VTI1A: variants seen among roughly 807,000 people sequenced by gnomAD.
VTI1A encodes the protein vesicle transport through interaction with t-SNAREs homolog 1A.
Under a neutral mutation model 34.9 loss-of-function variants are expected in VTI1A, and 22 were observed. That is an observed-to-expected ratio of 0.63 (90% CI 0.45 to 0.90). The LOEUF (loss-of-function observed/expected upper bound fraction) is 0.90. Among genes scored for constraint, VTI1A ranks in the 40% least tolerant of loss-of-function variants. The pLI, the probability that VTI1A is intolerant of heterozygous loss-of-function variation, is 0.00. For missense variants in VTI1A, 268 were observed against 275.6 expected (o/e 0.97, Z 0.20); for synonymous variants, 87 against 97.3 (o/e 0.89, Z 0.62).
intron 7 of VTI1A, among the ~76,000 whole-genome samples, chr10:112,748,792 ATT>A (rs532679915): frequency 2.1e-5 from 3 of 145,684 alleles, no homozygotes; most frequent in African/African-American, 5.0e-5. Flanking sequence ...TGCCCGGCTA[ATT>A]TTTTTTTTTT....
chr10:112,740,160 T>G lies in VTI1A; in HGVS notation c.560+71162T>G, dbSNP rs1312567881. Among the ~76,000 whole-genome samples the G allele has an allele frequency of 3.9e-5, 6 of 152,200 alleles. No homozygotes were observed. In the South Asian group the frequency reaches 1.2e-3, roughly 32 times the overall value. ...CCTCCGAGCCATCATCTTGTAGACT[T>G]GATCTGTGTTTCCTGCACTCTCTTC... On this transcript the variant is annotated intron_variant, in intron 7 of 7. Transcript: ENST00000393077.
chr10:112,536,882 T>C (rs907562309), intron 4 of VTI1A, among the ~76,000 whole-genome samples: 1 of 151,988 alleles, frequency 6.6e-6, no homozygotes, highest in African/African-American at 2.4e-5. Context: ...ATGGTAATGA[T>C]AACATACTAA....
chr10:112,851,733 G>A, the VTI1A span, among the ~76,000 whole-genome samples: 3 of 152,186 alleles, frequency 2.0e-5, no homozygotes, highest in Non-Finnish European at 1.5e-5. Context: ...TGAAGCTTCT[G>A]AACTAGGGAG....
At chr10:112,556,613 TTAAGTA>T (rs1168545919) in intron 5 of VTI1A, among the ~76,000 whole-genome samples, 1 of 152,028 alleles carries the variant, frequency 6.6e-6, no homozygotes, top group African/African-American at 2.4e-5. Flanking sequence ...TGAGGACTCT[TTAAGTA>T]TATTTCACCA....
At chr10:112,568,464 G>A (rs772709367) in intron 5 of VTI1A, among the ~76,000 whole-genome samples, 2 of 151,864 alleles carry the variant, frequency 1.3e-5, no homozygotes, top group Non-Finnish European at 2.9e-5. Context: ...CTGAGATCGC[G>A]CCACTGCACT....
chr10:112,466,162 G>T (rs1847887269), intron 3 of VTI1A, among the ~76,000 whole-genome samples: 1 of 152,136 alleles, frequency 6.6e-6, no homozygotes, highest in Non-Finnish European at 1.5e-5. Context: ...GGAAAGTCAA[G>T]AATGTTTAAG....
intron 5 of VTI1A, among the ~76,000 whole-genome samples, chr10:112,585,954 T>A (rs2134414903): frequency 6.6e-6 from 1 of 152,242 alleles, no homozygotes; most frequent in East Asian, 1.9e-4. Context: ...ATCAGACTGT[T>A]GGAGTCAAGT....
At chr10:112,487,202 C>A (rs1848669473) in intron 3 of VTI1A, among the ~76,000 whole-genome samples, 1 of 152,192 alleles carries the variant, frequency 6.6e-6, no homozygotes, top group Non-Finnish European at 1.5e-5. Context: ...TGCCTCACTG[C>A]AGCCTCCATC....
chr10:112,526,243 A>C (rs901570120), intron 3 of VTI1A, among the ~76,000 whole-genome samples: 2 of 152,186 alleles, frequency 1.3e-5, no homozygotes. Flanking sequence ...AATTGCTTGC[A>C]GACATGTCCC....
intron 5 of VTI1A, among the ~76,000 whole-genome samples, chr10:112,569,744 AAC>A (rs1299864784): frequency 6.6e-6 from 1 of 152,200 alleles, no homozygotes; most frequent in Admixed American, 6.5e-5. Flanking sequence ...TACTAAAAAA[AAC>A]ACAGCTTCCT....
chr10:112,581,236 A>G (rs1000723856), intron 5 of VTI1A, among the ~76,000 whole-genome samples: 10 of 152,188 alleles, frequency 6.6e-5, no homozygotes, highest in African/African-American at 2.4e-4. Flanking sequence ...TTCTCTCTGC[A>G]TAGCCCTTTC....
chr10:112,631,109 A>G (rs1246892677), intron 5 of VTI1A, among the ~76,000 whole-genome samples: 2 of 152,076 alleles, frequency 1.3e-5, no homozygotes, highest in African/African-American at 4.8e-5. Flanking sequence ...AGCCTGGGCA[A>G]CAAGAGCGAA....
chr10:112,699,555 G>C (rs143932653), intron 7 of VTI1A, among the ~76,000 whole-genome samples: 34 of 152,324 alleles, frequency 2.2e-4, no homozygotes, highest in Non-Finnish European at 1.5e-5. Context: ...GGGAGGAGCC[G>C]GGCATGGTGG....
chr10:112,527,138 G>A lies in VTI1A; in HGVS notation c.316G>A (p.Asp106Asn). The A allele has an allele frequency of 6.2e-7, 1 of 1,613,498 alleles. No homozygotes were observed. The highest frequency in any genetic ancestry group is 2.2e-5 in the East Asian group (1 of 44,848). The change falls in exon 4 of 8, where the codon GAT (aspartate) becomes AAT (asparagine). Residue 106 changes from aspartate (D) to asparagine (N), a missense_variant. Coordinates refer to ENST00000393077, the MANE Select transcript of VTI1A (RefSeq NM_145206.4). ...SDEVRNELLG[D>N]DGNSSENQRA... ...CGAAGTACGGAATGAGCTCCTGGGG[G>A]ATGATGGGAATTCCTCAGAGAACCA...
chr10:112,591,590 T>C (rs1844394946), intron 5 of VTI1A, among the ~76,000 whole-genome samples: 1 of 152,210 alleles, frequency 6.6e-6, no homozygotes, highest in Non-Finnish European at 1.5e-5. Flanking sequence ...TTAATTGTTT[T>C]ATACTGAAAT....
intron 7 of VTI1A, among the ~76,000 whole-genome samples, chr10:112,776,618 C>T (rs1410745463): frequency 6.6e-6 from 1 of 151,944 alleles, no homozygotes; most frequent in Non-Finnish European, 1.5e-5. Context: ...ACCATCTAAA[C>T]AGAAGAAGCC....
At chr10:112,559,125 A>C (rs1851632957) in intron 5 of VTI1A, among the ~76,000 whole-genome samples, 1 of 152,220 alleles carries the variant, frequency 6.6e-6, no homozygotes, top group Non-Finnish European at 1.5e-5. Context: ...TTAAAGGAAT[A>C]GGAAAAAAAT....
At chr10:112,665,216 C>T (rs1847599002) in intron 5 of VTI1A, among the ~76,000 whole-genome samples, 1 of 151,530 alleles carries the variant, frequency 6.6e-6, no homozygotes, top group South Asian at 2.1e-4. Flanking sequence ...ATCGCTAAAC[C>T]CAAGATAGTC....
At chr10:112,455,743 T>G (rs1847497171) in intron 1 of VTI1A, among the ~76,000 whole-genome samples, 1 of 149,774 alleles carries the variant, frequency 6.7e-6, no homozygotes, top group Non-Finnish European at 1.5e-5. Context: ...CTTAAAAACA[T>G]GAGGAACACT....
Sources: allele counts gnomAD v4.1 joint callset (sites outside exome capture counted in the v4.1 genomes callset), GRCh38; gene constraint gnomAD v4.1.1; transcripts MANE v1.5; gene names NCBI Gene and HGNC (gene_info 2026-07-23, HGNC 2026-07-21).